The following RPS6KA5 variants were observed in gnomAD, a reference collection of about 807,000 sequenced individuals.
RPS6KA5 encodes the protein ribosomal protein S6 kinase alpha-5.
A neutral mutation model predicts 85.5 loss-of-function variants in RPS6KA5; 27 were observed. The ratio of observed to expected loss-of-function variants is 0.32; its 90% CI spans 0.23 to 0.44. The LOEUF is 0.44. Among genes scored for constraint, RPS6KA5 ranks in the 20% least tolerant of loss-of-function variants. The pLI, the probability that RPS6KA5 is intolerant of heterozygous loss-of-function variation, is 1.00. For synonymous variants in RPS6KA5, 334 were observed against 348.2 expected (o/e 0.96, Z 0.46); for missense variants, 811 against 980.9 (o/e 0.83, Z 2.31).
At chr14:90,962,269 T>C (rs576090021) in intron 3 of RPS6KA5, among the ~76,000 whole-genome samples, 1 of 150,538 alleles carries the variant, frequency 6.6e-6, no homozygotes, top group African/African-American at 2.4e-5. Context: ...AAGAATTTTT[T>C]CCTAAGGGTT....
intron 1 of RPS6KA5, among the ~76,000 whole-genome samples, chr14:91,050,972 A>G (rs2043054207): frequency 6.6e-6 from 1 of 152,126 alleles, no homozygotes; most frequent in Non-Finnish European, 1.5e-5. Context: ...TCATGTCTGT[A>G]ATTCCAGCCA....
At chr14:91,022,626 A>G (rs12892268) in intron 1 of RPS6KA5, among the ~76,000 whole-genome samples, 74,342 of 152,044 alleles carry the variant, frequency 0.49, 18,435 homozygotes, top group East Asian at 0.55. Flanking sequence ...CATGGTTTGC[A>G]TGGTTTCTGA....
At chr14:90,966,793 A>G (rs1011734613) in intron 3 of RPS6KA5, among the ~76,000 whole-genome samples, 1 of 152,230 alleles carries the variant, frequency 6.6e-6, no homozygotes, top group Non-Finnish European at 1.5e-5. Flanking sequence ...CCGTAGCCAC[A>G]TAAGTATTAA....
Position 90,872,091 on chromosome 14 carries a change from A to C in RPS6KA5, c.2392T>G (p.Ser798Ala). 1.2e-6 allele frequency: 2 copies of C among 1,613,246 alleles called. No individual in the cohort carries two copies. Among genetic ancestry groups the C allele is most frequent in the Non-Finnish European group, 1.7e-6 (2 of 1,179,632 alleles). The change falls in exon 17 of 17, where the codon TCG becomes GCG. Residue 798 changes from serine to alanine, a missense_variant. Around this residue, in one of 3 missense-constraint regions of RPS6KA5, gnomAD observed 650 missense variants for 793.4 expected, o/e 0.82. Coordinates refer to ENST00000614987, the MANE Select transcript of RPS6KA5 (RefSeq NM_004755.4). ...SNNPETLFQF[S>A]DSVA ...TACCATGCCTAAGCTACTGAGTCCG[A>C]GAACTGGAAGAGGGTCTCCGGGTTA...
chr14:91,049,236 T>A (rs1387046093), intron 1 of RPS6KA5, among the ~76,000 whole-genome samples: 2 of 152,346 alleles, frequency 1.3e-5, no homozygotes, highest in East Asian at 3.8e-4. Context: ...TCTATTCGTA[T>A]TTTAACCATC....
chr14:91,043,923 C>T (rs76308716), intron 1 of RPS6KA5, among the ~76,000 whole-genome samples: 149 of 152,218 alleles, frequency 9.8e-4, no homozygotes, highest in African/African-American at 2.9e-3. Flanking sequence ...ACTGACCTTA[C>T]GATAAGAAAA....
At chr14:91,004,237 C>T (rs1274132181) in intron 1 of RPS6KA5, among the ~76,000 whole-genome samples, 1 of 152,172 alleles carries the variant, frequency 6.6e-6, no homozygotes, top group Non-Finnish European at 1.5e-5. Flanking sequence ...AGGCGCCCGC[C>T]ACCACGCCCG....
intron 14 of RPS6KA5, among the ~76,000 whole-genome samples, chr14:90,882,158 T>G (rs1223963967): frequency 1.3e-5 from 2 of 152,206 alleles, no homozygotes; most frequent in South Asian, 4.1e-4. Flanking sequence ...TCTATAGCTA[T>G]TTTCTTTGTG....
In RPS6KA5 at chr14:91,022,756, A is replaced by T. The variant is rs370734466; in HGVS notation, c.104-21597T>A. ...CATGTACTTATGCTCTTGCATACTT[A>T]TGTAATTACAAATATATATTCAATA... is the stretch of plus-strand genomic sequence containing the variant. On this transcript the variant is annotated intron_variant, in intron 1 of 16. Coordinates refer to ENST00000614987, the MANE Select transcript of RPS6KA5 (RefSeq NM_004755.4). Among the ~76,000 whole-genome samples, 29 of 152,346 alleles carry T rather than the reference A, an allele frequency of 1.9e-4. 1 individual carries two copies. In the South Asian group the frequency reaches 5.8e-3, roughly 30 times the overall value.
At chr14:90,931,954 T>C (rs2037006231) in intron 5 of RPS6KA5, among the ~76,000 whole-genome samples, 1 of 152,200 alleles carries the variant, frequency 6.6e-6, no homozygotes, top group Non-Finnish European at 1.5e-5. Context: ...TTAAAAAACA[T>C]GGTAATAGTA....
chr14:90,946,856 T>TGCATAGG (rs2037896594), intron 4 of RPS6KA5, among the ~76,000 whole-genome samples: 1 of 152,226 alleles, frequency 6.6e-6, no homozygotes, highest in Non-Finnish European at 1.5e-5. Flanking sequence ...TTAAACTGAT[T>TGCATAGG]GTTACAGTTT....
In RPS6KA5 at chr14:90,959,008, C is replaced by G. The variant is rs1024303263; in HGVS notation, c.395-11458G>C. ...ATATTTGAGGAAAGACTGTTCCAAGCAGAAGTAACATCCAGTACAAAGATC... is the reference window on the plus strand; with the variant it reads ...ATATTTGAGGAAAGACTGTTCCAAGGAGAAGTAACATCCAGTACAAAGATC... On this transcript the variant is annotated intron_variant, in intron 3 of 16. Coordinates refer to ENST00000614987, the MANE Select transcript of RPS6KA5 (RefSeq NM_004755.4). 3.3e-5 allele frequency among the ~76,000 whole-genome samples: 5 copies of G among 151,944 alleles called. No individual in the cohort carries two copies. The South Asian group carries it at 1.0e-3, about 32-fold the overall frequency.
intron 5 of RPS6KA5, among the ~76,000 whole-genome samples, chr14:90,924,342 A>G (rs1022836318): frequency 1.3e-5 from 2 of 152,140 alleles, no homozygotes; most frequent in Non-Finnish European, 2.9e-5. Flanking sequence ...AATATCACCA[A>G]TTGTAACTTT....
At chr14:90,970,293 C>G (rs1428496819) in intron 3 of RPS6KA5, among the ~76,000 whole-genome samples, 1 of 152,184 alleles carries the variant, frequency 6.6e-6, no homozygotes, top group Non-Finnish European at 1.5e-5. Context: ...TTTCGTCATA[C>G]TAGTGACTGT....
chr14:90,890,638 T>G lies in RPS6KA5; in HGVS notation c.1685A>C (p.Lys562Thr). ...FTDENDNLEI[K>T]IIDFGFARLK... ...CCGTGCAAATCCAAAATCAATTATT[T>G]TAATTTCCAAATTGTCATTTTCATC... The change falls in exon 14 of 17, where the codon AAA becomes ACA. Residue 562 changes from lysine to threonine, a missense_variant. Lys to Thr is a moderately conservative substitution (Grantham distance 78). Transcript: ENST00000614987. The G allele has an allele frequency of 6.2e-7, 1 of 1,614,116 alleles. No individual in the cohort carries two copies. Among genetic ancestry groups the G allele is most frequent in the Non-Finnish European group, 8.5e-7 (1 of 1,179,976 alleles).
At chr14:91,000,786 A>G (rs2040754891) in intron 2 of RPS6KA5, among the ~76,000 whole-genome samples, 1 of 152,096 alleles carries the variant, frequency 6.6e-6, no homozygotes, top group Admixed American at 6.5e-5. Context: ...TGGGCGACAG[A>G]GCTAGACTCC....
chr14:90,998,007 G>GAAAA (rs58227226), intron 2 of RPS6KA5, among the ~76,000 whole-genome samples: 8 of 59,890 alleles, frequency 1.3e-4, no homozygotes, highest in Admixed American at 4.7e-4. Flanking sequence ...GACTCTGTCT[G>GAAAA]AAAAAAAAAA....
chr14:90,958,733 T>G (rs535792770), intron 3 of RPS6KA5, among the ~76,000 whole-genome samples: 1 of 152,052 alleles, frequency 6.6e-6, no homozygotes, highest in Admixed American at 6.6e-5. Flanking sequence ...GACAAAAATC[T>G]CCAACCTAGT....
rs1325165435 is a variant in RPS6KA5, at chr14:90,862,757, C to T, written c.*9317G>A. On this transcript the variant is annotated 3_prime_UTR_variant, in exon 17 of 17. Transcript: ENST00000614987. The stretch of plus-strand genomic sequence containing the variant: ...GGATTACAGGTGTGAGATACCACAC[C>T]CAGTCTAGGTCTATCCTCCTTATGA... 1 of 152,116 alleles carries T rather than the reference C, an allele frequency of 6.6e-6. No homozygotes were observed. The highest frequency in any genetic ancestry group is 2.4e-5 in the African/African-American group (1 of 41,420). The allele number at this position is 152,116 out of a possible 1,614,324, so 9.4% of individuals were successfully genotyped here.
Sources: gnomAD v4.1 joint callset for allele counts (sites outside exome capture counted in the v4.1 genomes callset) on GRCh38, gnomAD v4.1.1 for gene constraint, gnomAD v4.1.1 regional missense constraint, MANE v1.5 for transcripts, NCBI Gene and HGNC (gene_info 2026-07-23, HGNC 2026-07-21) for gene names.